Variants in FCHSD2 observed in about 807,000 individuals in gnomAD.
FCHSD2 encodes F-BAR and double SH3 domains protein 2.
FCHSD2 carries 38 observed loss-of-function variants against 108.1 expected under a neutral mutation model. That is an observed-to-expected ratio of 0.35 (90% confidence interval 0.27 to 0.46). The LOEUF (loss-of-function observed/expected upper bound fraction) is 0.46, where lower values mean the gene tolerates loss of function less well. Among genes scored for constraint, FCHSD2 ranks in the 20% least tolerant of loss-of-function variants. The pLI is 1.00. For synonymous variants in FCHSD2, 279 were observed against 314.7 expected, an observed-to-expected ratio of 0.89 and a Z score of 1.20; for missense variants, 751 against 897.8, an observed-to-expected ratio of 0.84 and a Z score of 2.09.
intron 3 of FCHSD2, among the ~76,000 whole-genome samples, chr11:73,025,091 A>G (rs1565372962): frequency 6.6e-6 from 1 of 152,234 alleles, no homozygotes; most frequent in Non-Finnish European, 1.5e-5. Flanking sequence ...GATTCCTCAA[A>G]GAACTAAAGA....
chr11:73,104,950 T>C (rs2135536813), intron 2 of FCHSD2, among the ~76,000 whole-genome samples: 1 of 152,360 alleles, frequency 6.6e-6, no homozygotes, highest in East Asian at 1.9e-4. Context: ...TGAATGCATT[T>C]ATTTCAAAGC....
chr11:73,135,999 A>C (rs1163877331), intron 2 of FCHSD2, among the ~76,000 whole-genome samples: 1 of 151,922 alleles, frequency 6.6e-6, no homozygotes, highest in Non-Finnish European at 1.5e-5. Context: ...TGTCTCTACA[A>C]AATCTTTAAA....
intron 5 of FCHSD2, among the ~76,000 whole-genome samples, chr11:72,993,236 G>A (rs972960766): frequency 4.6e-5 from 7 of 152,088 alleles, no homozygotes; most frequent in East Asian, 1.9e-4. Flanking sequence ...TTAGAATGGC[G>A]ATCATTAGAA....
chr11:73,100,334 TTTGTTGTTGTTGTTG>T lies in FCHSD2; in HGVS notation c.120-16609_120-16595del, dbSNP rs56104404. ...CACTGACCTAAGCGCTTTACATGCT[TTTGTTGTTGTTGTTG>T]TTGTTGTTGTTGTTGTTGTTGTTGT... On this transcript the variant is annotated intron_variant, in intron 2 of 19. Coordinates refer to ENST00000409418, the MANE Select transcript of FCHSD2 (RefSeq NM_014824.3). Among the ~76,000 whole-genome samples, 522 of 149,068 alleles carry T rather than the reference TTTGTTGTTGTTGTTG, an allele frequency of 3.5e-3. 1 individual carries two copies. Among genetic ancestry groups the T allele is most frequent in the African/African-American group, 0.012 (484 of 40,496 alleles).
intron 5 of FCHSD2, among the ~76,000 whole-genome samples, chr11:73,000,649 TG>T (rs1857608289): frequency 1.3e-5 from 2 of 152,314 alleles, no homozygotes; most frequent in South Asian, 4.1e-4. Flanking sequence ...CAAGAACTAG[TG>T]GGATTAATAA....
At chr11:73,035,061 T>C (rs1858453647) in intron 3 of FCHSD2, among the ~76,000 whole-genome samples, 1 of 152,318 alleles carries the variant, frequency 6.6e-6, no homozygotes, top group African/African-American at 2.4e-5. Context: ...TGGGAACAAC[T>C]AGTATACTGG....
chr11:73,091,521 C>T (rs773426511), intron 2 of FCHSD2, among the ~76,000 whole-genome samples: 3 of 151,912 alleles, frequency 2.0e-5, no homozygotes, highest in Non-Finnish European at 4.4e-5. Flanking sequence ...TGCACTCCAG[C>T]CTGGGCCACA....
chr11:73,140,175 C>CA (rs767940041), intron 1 of FCHSD2, 47 bp from the exon 2 acceptor site: 94 of 1,157,738 alleles, frequency 8.1e-5, no homozygotes, highest in Non-Finnish European at 1.1e-4. Context: ...AAATTTAACC[C>CA]AAAAAAATTG....
chr11:72,984,989 C>T, intron 7 of FCHSD2, 73 bp downstream of exon 7: 2 of 681,728 alleles, frequency 2.9e-6, no homozygotes, highest in Admixed American at 2.4e-5. Flanking sequence ...CACCTCCACC[C>T]TCAAAGATCC....
Position 72,954,362 on chromosome 11 carries a change from C to T in FCHSD2, c.705+29726G>A, listed in dbSNP as rs150094087. On this transcript the variant is annotated intron_variant, in intron 8 of 19. Coordinates refer to ENST00000409418, the MANE Select transcript of FCHSD2 (RefSeq NM_014824.3). ...TAGCTGGGACCACAGGTGCATGCCA[C>T]CATGCCTGGCTAATTATTTTATTTT... Among the ~76,000 whole-genome samples the T allele has an allele frequency of 1.8e-4, 27 of 151,886 alleles. No individual in the cohort carries two copies. The East Asian group carries it at 5.0e-3, about 28-fold the overall frequency.
intron 8 of FCHSD2, among the ~76,000 whole-genome samples, chr11:72,969,000 T>TAA (rs913481151): frequency 3.5e-4 from 53 of 152,270 alleles, no homozygotes; most frequent in African/African-American, 1.3e-3. Context: ...AACATGGTTT[T>TAA]AATGATATAC....
At chr11:73,140,214 G>A in intron 1 of FCHSD2, 86 bp from the exon 2 acceptor site, 2 of 672,538 alleles carry the variant, frequency 3.0e-6, no homozygotes, top group Non-Finnish European at 5.0e-6. Context: ...GTCAGAATAT[G>A]TCTCTTGCTC....
At chr11:72,934,478 A>AT (rs1856261330) in intron 8 of FCHSD2, among the ~76,000 whole-genome samples, 1 of 151,786 alleles carries the variant, frequency 6.6e-6, no homozygotes, top group Admixed American at 6.6e-5. Context: ...TTACAGGTGC[A>AT]TACCACCATA....
intron 2 of FCHSD2, among the ~76,000 whole-genome samples, chr11:73,124,353 T>C (rs551403717): frequency 3.0e-4 from 45 of 152,180 alleles, no homozygotes; most frequent in African/African-American, 1.1e-3. Context: ...GGCACATGTA[T>C]ACATATATAA....
At chr11:72,860,089 G>A (rs1248293716) in intron 13 of FCHSD2, among the ~76,000 whole-genome samples, 1 of 152,180 alleles carries the variant, frequency 6.6e-6, no homozygotes, top group Non-Finnish European at 1.5e-5. Context: ...TACATGTGAA[G>A]TTCACAATAG....
chr11:72,990,874 G>A (rs561248575), intron 5 of FCHSD2, among the ~76,000 whole-genome samples: 2 of 152,154 alleles, frequency 1.3e-5, no homozygotes, highest in East Asian at 1.9e-4. Context: ...AGAACTGAAC[G>A]AAATAGAGAC....
Position 72,842,717 on chromosome 11 carries a change from C to T in FCHSD2, c.1830G>A (p.Gly610=), listed in dbSNP as rs777862692. The T allele has an allele frequency of 6.2e-7, 1 of 1,613,988 alleles. No homozygotes were observed. Among genetic ancestry groups the T allele is most frequent in the African/African-American group, 1.3e-5 (1 of 75,034 alleles). The change falls in exon 17 of 20, where the codon GGG becomes GGA. Residue 610 remains glycine (G), a synonymous_variant. Transcript: ENST00000409418. ...ENQDDDGFWE[G]EFNGRIGVFP... ...AAACTCCAATACGCCCATTGAATTC[C>T]CCTTCCCAGAAGCCATCATCATCTT...
At chr11:73,016,396 T>C (rs369322682) in intron 3 of FCHSD2, among the ~76,000 whole-genome samples, 3 of 152,300 alleles carry the variant, frequency 2.0e-5, no homozygotes, top group African/African-American at 7.2e-5. Flanking sequence ...ACAACCTTTT[T>C]TCATTATTGT....
chr11:72,842,590 T>C, intron 17 of FCHSD2, 31 bp downstream of exon 17: 1 of 1,612,996 alleles, frequency 6.2e-7, no homozygotes, highest in Non-Finnish European at 8.5e-7. Context: ...TTTAAACATC[T>C]TTTAATTCAA....
Sources: gnomAD v4.1 joint callset for allele counts (sites outside exome capture counted in the v4.1 genomes callset) on GRCh38, gnomAD v4.1.1 for gene constraint, MANE v1.5 for transcripts, NCBI Gene and HGNC (gene_info 2026-07-23, HGNC 2026-07-21) for gene names.